Variants in MAGI2 observed in about 807,000 individuals in gnomAD.
MAGI2 encodes membrane-associated guanylate kinase, WW and PDZ domain-containing protein 2.
Under a neutral mutation model 133.3 loss-of-function variants are expected in MAGI2, and 35 were observed. The ratio of observed to expected loss-of-function variants is 0.26; its 90% CI spans 0.20 to 0.35. The LOEUF is 0.35. Ranked by LOEUF, MAGI2 falls within the 10% of genes least tolerant of loss-of-function variation. The pLI is 1.00. For missense variants in MAGI2, 1,636 were observed against 1,863.4 expected, an observed-to-expected ratio of 0.88 and a Z score of 2.25; for synonymous variants, 729 against 710.6, an observed-to-expected ratio of 1.03 and a Z score of -0.41.
intron 1 of MAGI2, among the ~76,000 whole-genome samples, chr7:79,135,120 T>A (rs112668441): frequency 2.6e-5 from 4 of 152,268 alleles, no homozygotes; most frequent in African/African-American, 9.6e-5. Context: ...TATCAGGTGG[T>A]GTGACTATGG....
At chr7:79,411,241 T>C (rs373360945) in intron 1 of MAGI2, 7 of 145,992 alleles carry the variant, frequency 4.8e-5, no homozygotes, top group African/African-American at 1.6e-4. Flanking sequence ...GTCTAGGTCT[T>C]AATCTCCAAA....
intron 2 of MAGI2, among the ~76,000 whole-genome samples, chr7:78,882,343 A>G (rs1315927558): frequency 1.3e-5 from 2 of 152,140 alleles, no homozygotes; most frequent in South Asian, 2.1e-4. Flanking sequence ...GAACAGACCA[A>G]CATTGAATTC....
At chr7:78,798,450 A>G (rs1275758291) in intron 2 of MAGI2, among the ~76,000 whole-genome samples, 3 of 152,188 alleles carry the variant, frequency 2.0e-5, no homozygotes, top group Admixed American at 2.0e-4. Flanking sequence ...CTTGGTAAAT[A>G]AATTCATTGG....
At chr7:78,894,689 A>G (rs1233311206) in intron 2 of MAGI2, among the ~76,000 whole-genome samples, 3 of 152,232 alleles carry the variant, frequency 2.0e-5, no homozygotes, top group Non-Finnish European at 2.9e-5. Flanking sequence ...GATAGGCAAT[A>G]CGAACAAATA....
chr7:78,682,185 A>G (rs984594430), intron 2 of MAGI2, among the ~76,000 whole-genome samples: 1 of 152,166 alleles, frequency 6.6e-6, no homozygotes, highest in African/African-American at 2.4e-5. Flanking sequence ...AGATATACAC[A>G]AAACTGTTCA....
intron 1 of MAGI2, among the ~76,000 whole-genome samples, chr7:79,370,215 A>G (rs1363347626): frequency 6.6e-6 from 1 of 152,158 alleles, no homozygotes; most frequent in Non-Finnish European, 1.5e-5. Context: ...TTGAAAATAT[A>G]TACAAAATAT....
intron 10 of MAGI2, among the ~76,000 whole-genome samples, chr7:78,250,972 T>G (rs1173998702): frequency 3.3e-5 from 5 of 152,030 alleles, no homozygotes; most frequent in Admixed American, 3.3e-4. Context: ...CCAAACAGAT[T>G]AAAAAATCTT....
At chr7:79,367,858 C>CATATATATATATATATATATATATATAT (rs367920302) in intron 1 of MAGI2, among the ~76,000 whole-genome samples, 3,065 of 86,000 alleles carry the variant, frequency 0.036, 276 homozygotes, top group African/African-American at 0.048. Context: ...ATATATGTGA[C>CATATATATATATATATATATATATATAT]ATATATATAT....
intron 20 of MAGI2, among the ~76,000 whole-genome samples, chr7:78,096,640 A>G (rs1768025358): frequency 6.6e-6 from 1 of 152,156 alleles, no homozygotes; most frequent in Admixed American, 6.5e-5. Flanking sequence ...TTGTTTTTTT[A>G]AGTAACATTT....
intron 1 of MAGI2, among the ~76,000 whole-genome samples, chr7:79,054,498 T>C (rs1812964253): frequency 6.6e-6 from 1 of 152,172 alleles, no homozygotes; most frequent in South Asian, 2.1e-4. Flanking sequence ...TTGTTTCCTT[T>C]TGGATTGCTT....
At chr7:78,258,409 A>C (rs904410672) in intron 9 of MAGI2, among the ~76,000 whole-genome samples, 5 of 152,168 alleles carry the variant, frequency 3.3e-5, no homozygotes, top group Admixed American at 1.3e-4. Flanking sequence ...AAAAGGTTGA[A>C]AGAACAACAA....
chr7:78,141,757 C>A (rs1822779947), intron 16 of MAGI2, among the ~76,000 whole-genome samples: 1 of 152,074 alleles, frequency 6.6e-6, no homozygotes, highest in South Asian at 2.1e-4. Flanking sequence ...AGTTTAGCTA[C>A]CCTGCAGTTG....
At chr7:78,770,229 G>A (rs890571483) in intron 2 of MAGI2, among the ~76,000 whole-genome samples, 1 of 152,128 alleles carries the variant, frequency 6.6e-6, no homozygotes, top group Non-Finnish European at 1.5e-5. Context: ...TTGTAAAAAA[G>A]GCTTTAAACC....
At chr7:78,891,479 A>G (rs372091290) in intron 2 of MAGI2, among the ~76,000 whole-genome samples, 1 of 152,218 alleles carries the variant, frequency 6.6e-6, no homozygotes, top group Non-Finnish European at 1.5e-5. Context: ...AACATCCTCA[A>G]TAAAATACTG....
At chr7:78,726,767 T>G (rs573182286) in intron 2 of MAGI2, among the ~76,000 whole-genome samples, 1 of 152,312 alleles carries the variant, frequency 6.6e-6, no homozygotes, top group Non-Finnish European at 1.5e-5. Flanking sequence ...TGTATAATAT[T>G]GCTACAAATT....
intron 2 of MAGI2, among the ~76,000 whole-genome samples, chr7:78,736,051 G>A (rs918429558): frequency 1.3e-4 from 20 of 152,132 alleles, no homozygotes; most frequent in East Asian, 1.9e-4. Flanking sequence ...GGAAGAAGAC[G>A]TGAAATATTA....
intron 1 of MAGI2, among the ~76,000 whole-genome samples, chr7:79,341,343 G>A (rs1034375937): frequency 2.0e-5 from 3 of 152,060 alleles, no homozygotes; most frequent in African/African-American, 7.2e-5. Flanking sequence ...TTTAATAAAT[G>A]TCAGTTTCCT....
At chr7:78,712,538 G>C (rs1036175403) in intron 2 of MAGI2, among the ~76,000 whole-genome samples, 1 of 152,162 alleles carries the variant, frequency 6.6e-6, no homozygotes, top group Admixed American at 6.6e-5. Context: ...ACTAACCGGG[G>C]AAAGGGAGCA....
At chr7:78,273,368 A>AT (rs1456126559) in intron 9 of MAGI2, among the ~76,000 whole-genome samples, 2 of 151,980 alleles carry the variant, frequency 1.3e-5, no homozygotes, top group African/African-American at 2.4e-5. Context: ...TGCCCTTAAC[A>AT]TTTTTTCCTT....
Sources: allele counts gnomAD v4.1 joint callset (sites outside exome capture counted in the v4.1 genomes callset), GRCh38; gene constraint gnomAD v4.1.1; transcripts MANE v1.5; gene names NCBI Gene and HGNC (gene_info 2026-07-23, HGNC 2026-07-21).